The following SCGB2B2 variants were observed in gnomAD, a reference collection of about 807,000 sequenced individuals.
The protein encoded by SCGB2B2 is secretoglobin family 2B member 2, also known as secretoglobin-like protein.
A neutral mutation model predicts 7.6 loss-of-function variants in SCGB2B2; 11 were observed. The observed-to-expected ratio is 1.45, with a 90% CI of 0.91 to 2.40. The LOEUF (loss-of-function observed/expected upper bound fraction) is 2.40. SCGB2B2 is among the 30% of genes most tolerant of loss of function. The pLI is 0.00. For missense variants in SCGB2B2, 104 were observed against 115.4 expected (o/e 0.90, Z 0.45); for synonymous variants, 50 against 48.6 (o/e 1.03, Z -0.12).
intron 1 of SCGB2B2, among the ~76,000 whole-genome samples, chr19:34,610,366 TGG>T (rs1242982853): frequency 1.3e-4 from 20 of 152,162 alleles, no homozygotes; most frequent in African/African-American, 4.8e-4. Flanking sequence ...GTGATGAAAG[TGG>T]CCATTCTTGT....
intron 1 of SCGB2B2, among the ~76,000 whole-genome samples, chr19:34,597,582 C>T (rs551812020): frequency 6.6e-6 from 1 of 152,366 alleles, no homozygotes; most frequent in African/African-American, 2.4e-5. Context: ...CCTCCCTTGT[C>T]ATCACTGTGG....
intron 1 of SCGB2B2, among the ~76,000 whole-genome samples, chr19:34,632,398 A>G (rs1210927808): frequency 6.6e-6 from 1 of 152,232 alleles, no homozygotes; most frequent in African/African-American, 2.4e-5. Context: ...CTTATTAAGA[A>G]CCCTCAAAAC....
intron 1 of SCGB2B2, among the ~76,000 whole-genome samples, chr19:34,609,198 G>T (rs2065864906): frequency 6.6e-6 from 1 of 151,358 alleles, no homozygotes; most frequent in South Asian, 2.2e-4. Context: ...TGAGCTGTTT[G>T]AGTTCCTTGT....
At chr19:34,593,747 T>C (rs2065360930) in intron 3 of SCGB2B2, 148 bp from the exon 4 acceptor site, 6 of 652,886 alleles carry the variant, frequency 9.2e-6, no homozygotes, top group Non-Finnish European at 1.6e-5. Context: ...AGATGGTGGA[T>C]GTGGGTTGTG....
chr19:34,597,251 C>T (rs568940685), intron 1 of SCGB2B2, among the ~76,000 whole-genome samples: 16 of 152,258 alleles, frequency 1.1e-4, no homozygotes, highest in Admixed American at 8.5e-4. Context: ...GGTTACAGGA[C>T]TGCCCCACAA....
chr19:34,636,309 A>G (rs2066677016), intron 1 of SCGB2B2, among the ~76,000 whole-genome samples: 1 of 152,150 alleles, frequency 6.6e-6, no homozygotes, highest in Non-Finnish European at 1.5e-5. Flanking sequence ...ACAGGTGACA[A>G]AGAGTCTACT....
In SCGB2B2 at chr19:34,594,611, G is replaced by A. The variant is rs757303651; in HGVS notation, c.-48C>T. On this transcript the variant is annotated 5_prime_UTR_variant, in exon 2 of 4. Transcript: ENST00000601241. ...AGGCACAGGCAGGGAATTTGGCGATGGGTGAGCTTTATGTATATCTGAACA... is the reference window on the plus strand; with the variant it reads ...AGGCACAGGCAGGGAATTTGGCGATAGGTGAGCTTTATGTATATCTGAACA... 8.0e-6 allele frequency: 12 copies of A among 1,502,026 alleles called. 1 individual carries two copies. In the South Asian group the frequency reaches 1.2e-4, roughly 16 times the overall value. 93.0% of individuals were successfully genotyped at this position (1,502,026 alleles called of 1,614,324 possible).
intron 1 of SCGB2B2, among the ~76,000 whole-genome samples, chr19:34,667,438 C>T (rs2067664403): frequency 6.6e-6 from 1 of 152,144 alleles, no homozygotes; most frequent in African/African-American, 2.4e-5. Context: ...GCCCGGGGCC[C>T]CACCCTCCCC....
At position 34,594,487 on chromosome 19, in the gene SCGB2B2, C is replaced by T. The variant is rs1383766223; in HGVS notation, c.61+16G>A. ...GGGCCACCGCTTCCTCCCAGCCCTG[C>T]TCGCCTCTTTCTTACCCAGCTGGAC... On this transcript the variant is annotated intron_variant, in intron 2 of 3. Transcript: ENST00000601241. 6.2e-7 allele frequency: 1 copy of T among 1,613,718 alleles called. No individual in the cohort carries two copies. Among genetic ancestry groups the T allele is most frequent in the Non-Finnish European group, 8.5e-7 (1 of 1,179,652 alleles).
At chr19:34,588,275 T>G (rs1167591882), downstream of SCGB2B2, among the ~76,000 whole-genome samples, 1 of 152,220 alleles carries the variant, frequency 6.6e-6, no homozygotes, top group East Asian at 1.9e-4. Context: ...TTCCAGGAAT[T>G]TATACATTTC....
At chr19:34,668,092 G>A (rs2067687456) in intron 1 of SCGB2B2, among the ~76,000 whole-genome samples, 1 of 152,364 alleles carries the variant, frequency 6.6e-6, no homozygotes, top group South Asian at 2.1e-4. Context: ...CCACTTTGGC[G>A]GCACTTAAGG....
chr19:34,633,157 C>T lies in SCGB2B2; in HGVS notation c.-2031-36563G>A, dbSNP rs1449482094. Among the ~76,000 whole-genome samples, 6 of 152,166 alleles carry T rather than the reference C, an allele frequency of 3.9e-5. No individual in the cohort carries two copies. The East Asian group carries it at 5.8e-4, about 15-fold the overall frequency. On this transcript the variant is annotated intron_variant, in intron 1 of 3. Transcript: ENST00000601241. ...GCTTTCCATGTGGCCCTCTGTGGCA[C>T]GATGCCTTTCCTTCTCTTGGAAAAT...
At chr19:34,635,173 C>T in intron 1 of SCGB2B2, 1 of 298,498 alleles carries the variant, frequency 3.4e-6, no homozygotes. Context: ...ACATTCACTG[C>T]ATTCATAAGG....
At chr19:34,675,520 G>A (rs536167111) in intron 1 of SCGB2B2, 110 bp downstream of exon 1, 1 of 152,190 alleles carries the variant, frequency 6.6e-6, no homozygotes, top group Non-Finnish European at 1.5e-5. Flanking sequence ...GGATAACATT[G>A]GAAGTCGGCA....
chr19:34,638,499 CAACAAA>C (rs966893410), intron 1 of SCGB2B2, among the ~76,000 whole-genome samples: 29 of 149,752 alleles, frequency 1.9e-4, no homozygotes, highest in South Asian at 1.3e-3. Flanking sequence ...ACAATGACAA[CAACAAA>C]AACAAAAACA....
intron 1 of SCGB2B2, chr19:34,638,139 A>G (rs10423361): frequency 0.29 from 43,604 of 151,846 alleles, 6,744 homozygotes; most frequent in Middle Eastern, 0.36. Context: ...GGTCAAAAGG[A>G]CAAATGGCAT....
At chr19:34,639,549 T>G (rs2066783506) in intron 1 of SCGB2B2, among the ~76,000 whole-genome samples, 1 of 152,056 alleles carries the variant, frequency 6.6e-6, no homozygotes, top group African/African-American at 2.4e-5. Context: ...TCCAGTAGGG[T>G]CCTTCTTCAT....
chr19:34,639,150 T>A (rs750991046), intron 1 of SCGB2B2, among the ~76,000 whole-genome samples: 1 of 152,228 alleles, frequency 6.6e-6, no homozygotes, highest in East Asian at 1.9e-4. Context: ...AATCTGTGGA[T>A]AGCTTTACCT....
chr19:34,624,846 C>T (rs189715895), intron 1 of SCGB2B2, among the ~76,000 whole-genome samples: 367 of 152,254 alleles, frequency 2.4e-3, no homozygotes, highest in Admixed American at 8.8e-3. Context: ...CAAGCCTGTC[C>T]CCTGAATCTT....
Sources: gnomAD v4.1 joint callset for allele counts (sites outside exome capture counted in the v4.1 genomes callset) on GRCh38, gnomAD v4.1.1 for gene constraint, MANE v1.5 for transcripts, NCBI Gene and HGNC (gene_info 2026-07-23, HGNC 2026-07-21) for gene names.